The following SLC24A1 variants were observed in gnomAD, a reference collection of about 807,000 sequenced individuals.
SLC24A1 encodes the protein solute carrier family 24 member 1.
A neutral mutation model predicts 88.1 loss-of-function variants in SLC24A1; 52 were observed. The ratio of observed to expected loss-of-function variants is 0.59; its 90% CI spans 0.47 to 0.74. SLC24A1 has a LOEUF of 0.74. Ranked by LOEUF, SLC24A1 falls within the 30% of genes least tolerant of loss-of-function variation. The pLI, the probability that SLC24A1 is intolerant of heterozygous loss-of-function variation, is 0.00. For missense variants in SLC24A1, 1,173 were observed against 1,363.3 expected, an observed-to-expected ratio of 0.86 and a Z score of 2.20; for synonymous variants, 455 against 498.0, an observed-to-expected ratio of 0.91 and a Z score of 1.15.
chr15:65,639,594 G>C lies in SLC24A1; in HGVS notation c.1945-1G>C. On this transcript the variant is annotated splice_acceptor_variant, in intron 3 of 9. Coordinates refer to ENST00000261892, the MANE Select transcript of SLC24A1 (RefSeq NM_004727.3). LOFTEE classifies it high-confidence loss of function. ...CACTGTGCGGCTCTCCTCTTGCTCA[G>C]CTCCCGTCCTTGCTGACCCGAGGGA... is the stretch of plus-strand genomic sequence containing the variant. 1 of 1,602,194 alleles carries C rather than the reference G, an allele frequency of 6.2e-7. No homozygotes were observed. Among genetic ancestry groups the C allele is most frequent in the South Asian group, 1.1e-5 (1 of 88,696 alleles).
At chr15:65,633,489 G>A (rs1387328886) in intron 2 of SLC24A1, among the ~76,000 whole-genome samples, 1 of 151,958 alleles carries the variant, frequency 6.6e-6, no homozygotes, top group Non-Finnish European at 1.5e-5. Flanking sequence ...GTGAAACCTC[G>A]TCTGTACTAA....
Position 65,624,942 on chromosome 15 carries a change from G to A in SLC24A1, c.862G>A (p.Glu288Lys). The A allele has an allele frequency of 6.2e-7, 1 of 1,611,784 alleles. No homozygotes were observed. The highest frequency in any genetic ancestry group is 8.5e-7 in the Non-Finnish European group (1 of 1,179,026). The change falls in exon 2 of 10, where the codon GAA (glutamate) becomes AAA (lysine). Residue 288 changes from glutamate (E) to lysine (K), a missense_variant. Coordinates refer to ENST00000261892, the MANE Select transcript of SLC24A1 (RefSeq NM_004727.3). ...CAACCTGTTTCCCCCCAGAAGAGTG[G>A]AAAGTAACAGCTCAGCCCATCCCTG... is the stretch of plus-strand genomic sequence containing the variant. The part of the protein sequence containing the change: ...KNNLFPPRRV[E>K]SNSSAHPWGL...
intron 6 of SLC24A1, among the ~76,000 whole-genome samples, chr15:65,649,311 G>A (rs528492521): frequency 7.3e-4 from 111 of 152,150 alleles, no homozygotes; most frequent in African/African-American, 2.5e-3. Context: ...TGTTGGCCAG[G>A]CTGGTCTCAA....
chr15:65,624,927 C>G lies in SLC24A1; in HGVS notation c.847C>G (p.Pro283Ala), dbSNP rs956792845. The change falls in exon 2 of 10, where the codon CCC (proline) becomes GCC (alanine). Residue 283 changes from proline (P) to alanine (A), a missense_variant. By Grantham distance (27) the Pro-to-Ala change is conservative. Transcript: ENST00000261892. ...CGTCATGGAAAAAAACAACCTGTTT[C>G]CCCCCAGAAGAGTGGAAAGTAACAG... ...RSVMEKNNLF[P>A]PRRVESNSSA... 3 of 1,613,052 alleles carry G rather than the reference C, an allele frequency of 1.9e-6. No homozygotes were observed. Among genetic ancestry groups the G allele is most frequent in the Non-Finnish European group, 2.5e-6 (3 of 1,179,630 alleles).
intron 8 of SLC24A1, chr15:65,652,175 T>C: frequency 3.1e-6 from 1 of 324,034 alleles, no homozygotes; most frequent in Non-Finnish European, 5.9e-6. Flanking sequence ...TACTGAACTG[T>C]AATAATTGTT....
At chr15:65,641,780 T>A (rs2075138548) in intron 4 of SLC24A1, among the ~76,000 whole-genome samples, 1 of 152,308 alleles carries the variant, frequency 6.6e-6, no homozygotes, top group East Asian at 1.9e-4. Flanking sequence ...AAAGTCCTGA[T>A]GATAAAGACC....
Position 65,651,718 on chromosome 15 carries a change from A to T in SLC24A1, c.2842A>T (p.Ile948Leu). The T allele has an allele frequency of 6.2e-7, 1 of 1,611,146 alleles. No homozygotes were observed. Among genetic ancestry groups the T allele is most frequent in the Non-Finnish European group, 8.5e-7 (1 of 1,177,394 alleles). ...VFTFLGSIMWIAMFSYLMVWW... is the reference protein window; with the variant it reads ...VFTFLGSIMWLAMFSYLMVWW... ...CACCTTCCTGGGATCTATCATGTGG[A>T]TAGCCATGTTCTCATACCTCATGGT... Residue 948 changes from isoleucine (I) to leucine (L), a missense_variant, in exon 8 of 10, where the codon ATA (isoleucine) becomes TTA (leucine). Coordinates refer to ENST00000261892, the MANE Select transcript of SLC24A1 (RefSeq NM_004727.3).
intron 9 of SLC24A1, among the ~76,000 whole-genome samples, chr15:65,653,358 G>A (rs750768368): frequency 6.6e-6 from 1 of 152,086 alleles, no homozygotes; most frequent in African/African-American, 2.4e-5. Context: ...TTGAATTTGT[G>A]TATGTGTATT....
chr15:65,612,164 A>T (rs2073977335), intron 1 of SLC24A1: 1 of 152,284 alleles, frequency 6.6e-6, no homozygotes, highest in East Asian at 1.9e-4. Context: ...AGAGGGCAAG[A>T]GGTGACTTTC....
intron 2 of SLC24A1, among the ~76,000 whole-genome samples, chr15:65,631,927 G>C (rs1184522547): frequency 6.6e-6 from 1 of 152,174 alleles, no homozygotes; most frequent in Non-Finnish European, 1.5e-5. Context: ...CGCGTCCCAG[G>C]TTCAAGTGAT....
chr15:65,635,535 A>G (rs1309321175), intron 2 of SLC24A1, among the ~76,000 whole-genome samples: 2 of 151,536 alleles, frequency 1.3e-5, no homozygotes, highest in Non-Finnish European at 2.9e-5. Context: ...TGGCTGGGCC[A>G]ATGGGTTCAG....
chr15:65,624,023 T>C lies in SLC24A1; in HGVS notation c.-58T>C. ...CTGATCACCAACCTGAATCCCAGAG[T>C]AGCCTCCATCTTAGGACAGAATGAG... On this transcript the variant is annotated 5_prime_UTR_variant, in exon 2 of 10. Transcript: ENST00000261892. 1 of 1,442,110 alleles carries C rather than the reference T, an allele frequency of 6.9e-7. No homozygotes were observed. The highest frequency in any genetic ancestry group is 9.4e-7 in the Non-Finnish European group (1 of 1,069,324). 89.3% of individuals were successfully genotyped at this position (1,442,110 alleles called of 1,614,324 possible).
chr15:65,639,285 G>A (rs1227002683), intron 3 of SLC24A1, among the ~76,000 whole-genome samples: 1 of 152,196 alleles, frequency 6.6e-6, no homozygotes. Flanking sequence ...GTGTTTCTGA[G>A]GGTGTACTTG....
chr15:65,648,187 G>T (rs1358051131), intron 6 of SLC24A1, among the ~76,000 whole-genome samples: 2 of 152,124 alleles, frequency 1.3e-5, no homozygotes, highest in Admixed American at 6.5e-5. Context: ...GTGAACCCGG[G>T]AGGCGGAGCT....
At position 65,650,595 on chromosome 15, in the gene SLC24A1, G is replaced by A. The variant is rs978837139; in HGVS notation, c.2446G>A (p.Ala816Thr). The A allele has an allele frequency of 1.2e-5, 19 of 1,551,860 alleles. No homozygotes were observed. The East Asian group carries it at 3.2e-4, about 26-fold the overall frequency. ...AGGTGAAGATGAGGGTGAAATCCAC[G>A]CAGAAGATGGTGAAATGAAAGGTAA... ...NEGEDEGEIH[A>T]EDGEMKGNEG... Residue 816 changes from alanine to threonine, a missense_variant, in exon 7 of 10, where the codon GCA (alanine) becomes ACA (threonine). By Grantham distance (58) the Ala-to-Thr change is moderately conservative. Transcript: ENST00000261892. This position sits in a 1 kb window ranked among gnomAD's most constrained non-coding sequence, Gnocchi z 4.1.
chr15:65,644,506 A>G lies in SLC24A1; in HGVS notation c.2133A>G (p.Lys711=). Residue 711 remains lysine (K), a synonymous_variant, in exon 5 of 10, where the codon AAA becomes AAG. Transcript: ENST00000261892. ...RAQPQAKAES[K]PEEEEPAKLP... ...AACCCCAGGCCAAAGCAGAAAGCAA[A>G]CCAGAAGGTGAGAGGATGGCCAGAC... 6.3e-7 allele frequency: 1 copy of G among 1,583,018 alleles called. No homozygotes were observed. Among genetic ancestry groups the G allele is most frequent in the East Asian group, 2.3e-5 (1 of 43,404 alleles).
chr15:65,660,631 A>C (rs1382518122), downstream of SLC24A1: 1 of 226,974 alleles, frequency 4.4e-6, no homozygotes, highest in Admixed American at 5.3e-5. Context: ...AAAGCTATTT[A>C]ATACTCATGA....
At position 65,654,063 on chromosome 15, in the gene SLC24A1, G is replaced by C. The variant is rs764058742; in HGVS notation, c.3284G>C (p.Cys1095Ser). The C allele has an allele frequency of 6.2e-7, 1 of 1,613,354 alleles. No individual in the cohort carries two copies. ...ATGTTAGAAGATCGAATCATATCCT[G>C]TCCTGTATCTGTCTGAATCAGTCAC... Reference protein sequence around the residue: ...SVMLEDRIISCPVSV With the variant: ...SVMLEDRIISSPVSV Residue 1095 changes from cysteine to serine, a missense_variant, in exon 10 of 10, where the codon TGT (cysteine) becomes TCT (serine). Coordinates refer to ENST00000261892, the MANE Select transcript of SLC24A1 (RefSeq NM_004727.3).
At position 65,644,421 on chromosome 15, in the gene SLC24A1, T is replaced by C. The variant is rs748172467; in HGVS notation, c.2054-6T>C. The C allele has an allele frequency of 1.8e-5, 29 of 1,575,866 alleles. No homozygotes were observed. The African/African-American group carries it at 3.2e-4, about 18-fold the overall frequency. ...AGGTAAGATGTATGTCCTGTCTCAT[T>C]TGCAGTTCGCCTTGCCAAGGAGAAG... On this transcript the variant is annotated splice_polypyrimidine_tract_variant and splice_region_variant and intron_variant, in intron 4 of 9. Transcript: ENST00000261892.
Sources: allele counts gnomAD v4.1 joint callset (sites outside exome capture counted in the v4.1 genomes callset), GRCh38; gene constraint gnomAD v4.1.1; non-coding constraint Gnocchi (gnomAD v3.1); transcripts MANE v1.5; gene names NCBI Gene and HGNC (gene_info 2026-07-23, HGNC 2026-07-21).